NXN: variants seen among roughly 807,000 people sequenced by gnomAD.
The protein encoded by NXN is nucleoredoxin 1.
Under a neutral mutation model 48.6 loss-of-function variants are expected in NXN, and 16 were observed. The observed-to-expected ratio is 0.33, with a 90% CI of 0.22 to 0.50. NXN has a LOEUF of 0.50. Ranked by LOEUF, NXN falls within the 20% of genes least tolerant of loss-of-function variation. The pLI is 0.98. For synonymous variants in NXN, 281 were observed against 269.6 expected, an observed-to-expected ratio of 1.04 and a Z score of -0.41; for missense variants, 492 against 605.5, an observed-to-expected ratio of 0.81 and a Z score of 1.97.
At position 812,888 on chromosome 17, in the gene NXN, G is replaced by A. The variant is rs58550413; in HGVS notation, c.820+6551C>T. ...TGTGTGTGGGTGTGTGCGCACATGTGAATGTAGGTGTGTGCATGTGTGACT... is the reference window on the plus strand; with the variant it reads ...TGTGTGTGGGTGTGTGCGCACATGTAAATGTAGGTGTGTGCATGTGTGACT... On this transcript the variant is annotated intron_variant, in intron 5 of 7. Coordinates refer to ENST00000336868, the MANE Select transcript of NXN (RefSeq NM_022463.5). 3.1e-4 allele frequency among the ~76,000 whole-genome samples: 46 copies of A among 148,676 alleles called. No homozygotes were observed. The East Asian group carries it at 9.0e-3, about 29-fold the overall frequency.
intron 1 of NXN, among the ~76,000 whole-genome samples, chr17:847,249 C>T (rs933186429): frequency 2.6e-5 from 4 of 151,542 alleles, no homozygotes; most frequent in Non-Finnish European, 4.4e-5. Context: ...TTCTCGGCTG[C>T]GTGGAAAGCT....
chr17:889,035 G>A (rs932089999), intron 1 of NXN, among the ~76,000 whole-genome samples: 2 of 151,594 alleles, frequency 1.3e-5, no homozygotes, highest in South Asian at 2.1e-4. Context: ...GAACCAGAAC[G>A]CTGGGGGTTC....
At chr17:875,385 AC>A (rs1240896948) in intron 1 of NXN, among the ~76,000 whole-genome samples, 2 of 151,758 alleles carry the variant, frequency 1.3e-5, no homozygotes, top group Non-Finnish European at 2.9e-5. Context: ...ATTATCAACA[AC>A]CCCATTGAGC....
intron 1 of NXN, among the ~76,000 whole-genome samples, chr17:927,419 G>A (rs1043266931): frequency 2.0e-5 from 3 of 151,876 alleles, no homozygotes; most frequent in South Asian, 2.1e-4. Flanking sequence ...GACCAGCCTC[G>A]GCAACAAGGC....
chr17:906,038 C>A (rs1178480270), intron 1 of NXN, among the ~76,000 whole-genome samples: 2 of 151,134 alleles, frequency 1.3e-5, no homozygotes, highest in African/African-American at 2.4e-5. Flanking sequence ...TATATTTTAA[C>A]CCAATACATC....
chr17:815,308 T>C (rs1353911474), intron 5 of NXN, among the ~76,000 whole-genome samples: 2 of 149,944 alleles, frequency 1.3e-5, no homozygotes, highest in Admixed American at 6.7e-5. Context: ...TCAGCTGACT[T>C]CCATCTGTAT....
intron 1 of NXN, among the ~76,000 whole-genome samples, chr17:846,700 AG>A (rs2067866110): frequency 1.4e-5 from 2 of 147,164 alleles, no homozygotes; most frequent in African/African-American, 5.2e-5. Flanking sequence ...GGTACGTTAA[AG>A]AAAAGTGGAG....
intron 6 of NXN, 44 bp from the exon 7 acceptor site, chr17:803,850 C>G (rs1300098803): frequency 6.2e-7 from 1 of 1,611,004 alleles, no homozygotes; most frequent in Admixed American, 1.7e-5. Flanking sequence ...AGAAAAAGCA[C>G]TGGCTTGTCA....
chr17:976,535 A>G (rs2069460424), intron 1 of NXN, among the ~76,000 whole-genome samples: 1 of 152,152 alleles, frequency 6.6e-6, no homozygotes. Context: ...TCCCTTCTCT[A>G]GAGTTATTTT....
intron 1 of NXN, among the ~76,000 whole-genome samples, chr17:870,776 T>G (rs2068143292): frequency 6.6e-6 from 1 of 151,658 alleles, no homozygotes; most frequent in African/African-American, 2.4e-5. Flanking sequence ...AAAAAGAATC[T>G]TATCCACCCC....
chr17:953,482 C>A (rs1166649695), intron 1 of NXN, among the ~76,000 whole-genome samples: 7 of 152,164 alleles, frequency 4.6e-5, no homozygotes, highest in Non-Finnish European at 7.3e-5. Flanking sequence ...TGCCCCACAC[C>A]CCCTGTCCCT....
chr17:948,268 A>T (rs2069068080), intron 1 of NXN, among the ~76,000 whole-genome samples: 1 of 152,158 alleles, frequency 6.6e-6, no homozygotes, highest in African/African-American at 2.4e-5. Flanking sequence ...TGATGATCAC[A>T]CGTTGTATGC....
Position 978,553 on chromosome 17 carries a change from TC to T in NXN, c.360+765del, listed in dbSNP as rs2069488989. ...CTGAGCTCTGCACAGCCCGGGCTGT[TC>T]CCGCGCCCGGGAGGCGTCTGGGGAG... On this transcript the variant is annotated intron_variant, in intron 1 of 7. Coordinates refer to ENST00000336868, the MANE Select transcript of NXN (RefSeq NM_022463.5). This position sits in a 1 kb window ranked among gnomAD's most constrained non-coding sequence, Gnocchi z 4.1. 6.6e-6 allele frequency: 1 copy of T among 152,344 alleles called. No individual in the cohort carries two copies. Among genetic ancestry groups the T allele is most frequent in the South Asian group, 2.1e-4 (1 of 4,836 alleles). The allele number at this position is 152,344 out of a possible 1,614,324, so 9.4% of individuals were successfully genotyped here. A position where few individuals can be genotyped will look rare whatever the true frequency, so the allele number is the denominator to read the frequency against.
At chr17:974,712 C>T (rs116350169) in intron 1 of NXN, among the ~76,000 whole-genome samples, 4,136 of 151,918 alleles carry the variant, frequency 0.027, 163 homozygotes, top group African/African-American at 0.085. Flanking sequence ...ATGTATTAGA[C>T]TGCCTTATTA....
intron 5 of NXN, among the ~76,000 whole-genome samples, chr17:811,750 G>A (rs1407727619): frequency 6.6e-6 from 1 of 152,098 alleles, no homozygotes; most frequent in Non-Finnish European, 1.5e-5. Flanking sequence ...CACCCTGTGA[G>A]ATGGACAGCT....
In NXN at chr17:825,282, G is replaced by C. The variant is rs1913041346; in HGVS notation, c.478+679C>G. 6.6e-6 allele frequency among the ~76,000 whole-genome samples: 1 copy of C among 152,034 alleles called. No individual in the cohort carries two copies. The highest frequency in any genetic ancestry group is 1.5e-5 in the Non-Finnish European group (1 of 68,012). On this transcript the variant is annotated intron_variant, in intron 2 of 7. Coordinates refer to ENST00000336868, the MANE Select transcript of NXN (RefSeq NM_022463.5). The surrounding 1 kb of genome is among the most constrained non-coding windows in gnomAD (Gnocchi z 4.1). ...GTTCCACCATGCCGTGGTTTTTACTGAGGACAATTCTTTGAAGTAGGTGGC... is the reference window on the plus strand; with the variant it reads ...GTTCCACCATGCCGTGGTTTTTACTCAGGACAATTCTTTGAAGTAGGTGGC...
At chr17:823,574 C>T in intron 3 of NXN, 58 bp downstream of exon 3, 1 of 1,598,816 alleles carries the variant, frequency 6.3e-7, no homozygotes, top group African/African-American at 1.3e-5. Flanking sequence ...CACAGCTGGG[C>T]CTGCTGGGAA....
At chr17:899,850 G>C (rs1446814911) in intron 1 of NXN, among the ~76,000 whole-genome samples, 2 of 152,036 alleles carry the variant, frequency 1.3e-5, no homozygotes, top group Non-Finnish European at 2.9e-5. Context: ...TGATCATGTC[G>C]TTGCACCCCA....
At chr17:910,863 C>T (rs1235739069) in intron 1 of NXN, 1 of 152,186 alleles carries the variant, frequency 6.6e-6, no homozygotes, top group Non-Finnish European at 1.5e-5. Flanking sequence ...CCTTCTCACA[C>T]AGGGATGTAA....
Sources: allele counts gnomAD v4.1 joint callset (sites outside exome capture counted in the v4.1 genomes callset), GRCh38; gene constraint gnomAD v4.1.1; non-coding constraint Gnocchi (gnomAD v3.1); transcripts MANE v1.5; gene names NCBI Gene and HGNC (gene_info 2026-07-23, HGNC 2026-07-21).